Variants in ARAP2 observed in about 807,000 individuals in gnomAD.
The protein encoded by ARAP2 is arf-GAP with Rho-GAP domain, ANK repeat and PH domain-containing protein 2.
ARAP2 carries 148 observed loss-of-function variants against 194.5 expected under a neutral mutation model. The ratio of observed to expected loss-of-function variants is 0.76; its 90% CI spans 0.67 to 0.87. ARAP2 has a LOEUF of 0.87. ARAP2 is among the 40% of genes least tolerant of loss of function. The pLI is 0.00. For synonymous variants in ARAP2, 695 were observed against 683.5 expected (o/e 1.02, Z -0.26); for missense variants, 2,128 against 1,989.7 (o/e 1.07, Z -1.32).
chr4:36,125,050 G>A, intron 21 of ARAP2, 83 bp from the exon 22 acceptor site: 1 of 848,422 alleles, frequency 1.2e-6, no homozygotes, highest in Non-Finnish European at 1.9e-6. Context: ...TTGTAAAACA[G>A]TCACAAACAA....
chr4:36,165,230 T>C, intron 10 of ARAP2, 117 bp from the exon 11 acceptor site: 1 of 926,958 alleles, frequency 1.1e-6, no homozygotes, highest in Non-Finnish European at 1.6e-6. Flanking sequence ...AAAATATGGC[T>C]GCTAGGCAGT....
intron 20 of ARAP2, among the ~76,000 whole-genome samples, chr4:36,132,242 C>T (rs1578008512): frequency 1.3e-5 from 2 of 151,622 alleles, no homozygotes; most frequent in African/African-American, 4.8e-5. Flanking sequence ...AGAGTGAGAC[C>T]AGTGACTGGC....
At chr4:36,114,793 T>G (rs558119513) in intron 25 of ARAP2, among the ~76,000 whole-genome samples, 68 of 152,122 alleles carry the variant, frequency 4.5e-4, no homozygotes, top group Admixed American at 8.5e-4. Flanking sequence ...TACCAAAGTA[T>G]GCTGGAACCA....
At chr4:36,043,826 AAGGGG>A (rs1207227492) in intron 5 of ARAP2, among the ~76,000 whole-genome samples, 1 of 27,382 alleles carries the variant, frequency 3.7e-5, no homozygotes, top group Non-Finnish European at 8.3e-5. Flanking sequence ...AAGGGAAGGG[AAGGGG>A]AGGGGAGGGG....
chr4:36,071,661 TA>T (rs1726931854), intron 32 of ARAP2, among the ~76,000 whole-genome samples: 1 of 150,700 alleles, frequency 6.6e-6, no homozygotes. Flanking sequence ...TATTAATATA[TA>T]ATACTTAATT....
chr4:36,024,126 A>G (rs944920196), intron 5 of ARAP2, among the ~76,000 whole-genome samples: 13 of 152,262 alleles, frequency 8.5e-5, no homozygotes, highest in Admixed American at 7.2e-4. Context: ...GAAGGATGAA[A>G]GGTAAACTTC....
chr4:36,068,507 T>C (rs917222302), intron 32 of ARAP2, among the ~76,000 whole-genome samples: 4 of 152,224 alleles, frequency 2.6e-5, no homozygotes, highest in African/African-American at 4.8e-5. Flanking sequence ...ATACGATTTT[T>C]TGACTTTACA....
At chr4:36,102,581 A>AATGTGATATTTT (rs2109438912) in intron 27 of ARAP2, among the ~76,000 whole-genome samples, 1 of 152,166 alleles carries the variant, frequency 6.6e-6, no homozygotes, top group African/African-American at 2.4e-5. Context: ...CTTGAATAAG[A>AATGTGATATTTT]CACATTCAGT....
rs1392383563 is a variant in ARAP2 at position 36,122,162 on chromosome 4, G to A, written c.3747-836C>T. Among the ~76,000 whole-genome samples the A allele has an allele frequency of 2.6e-5, 4 of 151,786 alleles. No individual in the cohort carries two copies. The East Asian group carries it at 5.8e-4, about 22-fold the overall frequency. On this transcript the variant is annotated intron_variant, in intron 22 of 32. Transcript: ENST00000303965. ...GGGGAAAAATGAATGCTTTTACACT[G>A]TTACTGGGAGTGTAAATTAGTTCAA... is the stretch of plus-strand genomic sequence containing the variant.
intron 15 of ARAP2, among the ~76,000 whole-genome samples, chr4:36,156,447 A>G (rs867316616): frequency 1.2e-3 from 16 of 13,358 alleles, no homozygotes; most frequent in African/African-American, 4.7e-3. Context: ...AAGAAAGAGA[A>G]AGAAAGAAAG....
At chr4:36,180,122 C>T (rs1462385330) in intron 8 of ARAP2, among the ~76,000 whole-genome samples, 3 of 151,894 alleles carry the variant, frequency 2.0e-5, no homozygotes, top group Non-Finnish European at 4.4e-5. Flanking sequence ...AAACTACACA[C>T]ACAAAAATTA....
downstream of ARAP2, among the ~76,000 whole-genome samples, chr4:36,064,420 C>A (rs1449956561): frequency 6.6e-6 from 1 of 152,098 alleles, no homozygotes; most frequent in African/African-American, 2.4e-5. Context: ...GAGGCAGGGG[C>A]CAAGGTTGGA....
intron 11 of ARAP2, among the ~76,000 whole-genome samples, chr4:36,163,942 CA>C (rs1332500449): frequency 6.6e-6 from 1 of 152,134 alleles, no homozygotes; most frequent in Admixed American, 6.5e-5. Context: ...ATGAGAAATG[CA>C]GTTGAATAGT....
At chr4:36,071,693 A>ATTTTTTTTTTT (rs55918222) in intron 32 of ARAP2, among the ~76,000 whole-genome samples, 1 of 147,120 alleles carries the variant, frequency 6.8e-6, no homozygotes, top group African/African-American at 2.5e-5. Flanking sequence ...TTTTTTTTTA[A>ATTTTTTTTTTT]TTTTTTTTCT....
intron 31 of ARAP2, among the ~76,000 whole-genome samples, 183 bp from the exon 32 acceptor site, chr4:36,074,006 C>T (rs13140154): frequency 0.072 from 10,938 of 152,178 alleles, 548 homozygotes; most frequent in Middle Eastern, 0.18. Context: ...AAACTCTTAA[C>T]TGAACTGAGC....
At chr4:36,080,339 T>C in intron 30 of ARAP2, 60 bp from the exon 31 acceptor site, 1 of 1,375,348 alleles carries the variant, frequency 7.3e-7, no homozygotes, top group Non-Finnish European at 1.0e-6. Flanking sequence ...TTCTCTAGTG[T>C]ATCTGCTGAG....
At chr4:36,056,078 A>C (rs1723455497) in intron 2 of ARAP2, among the ~76,000 whole-genome samples, 1 of 152,218 alleles carries the variant, frequency 6.6e-6, no homozygotes, top group Admixed American at 6.5e-5. Flanking sequence ...ATGATTAAGA[A>C]ACATGGGATT....
intron 23 of ARAP2, 134 bp downstream of exon 23, chr4:36,121,045 T>C (rs1722555473): frequency 3.1e-6 from 2 of 645,980 alleles, no homozygotes; most frequent in Non-Finnish European, 4.5e-6. Flanking sequence ...TTTAAAAAAA[T>C]ATGACTATTC....
chr4:36,222,573 G>A (rs895290874), intron 2 of ARAP2, among the ~76,000 whole-genome samples: 3 of 151,934 alleles, frequency 2.0e-5, no homozygotes, highest in Admixed American at 6.6e-5. Context: ...CAATGCTATC[G>A]CATCTGTAGT....
Sources: gnomAD v4.1 joint callset for allele counts (sites outside exome capture counted in the v4.1 genomes callset) on GRCh38, gnomAD v4.1.1 for gene constraint, MANE v1.5 for transcripts, NCBI Gene and HGNC (gene_info 2026-07-23, HGNC 2026-07-21) for gene names.